Variants in PILRA observed in about 807,000 individuals in gnomAD.
PILRA encodes the protein paired immunoglobulin-like type 2 receptor alpha.
Under a neutral mutation model 33.1 loss-of-function variants are expected in PILRA, and 37 were observed. The observed-to-expected ratio is 1.12, with a 90% CI of 0.86 to 1.47. The LOEUF is 1.47. PILRA is among the 40% of genes most tolerant of loss of function. The pLI, the probability that PILRA is intolerant of heterozygous loss-of-function variation, is 0.00. For synonymous variants in PILRA, 146 were observed against 149.9 expected, an observed-to-expected ratio of 0.97 and a Z score of 0.19; for missense variants, 312 against 376.2, an observed-to-expected ratio of 0.83 and a Z score of 1.41.
rs1791393330 is a variant in PILRA at position 100,391,696 on chromosome 7, AT to A, written c.673+1591del. 2.0e-5 allele frequency among the ~76,000 whole-genome samples: 3 copies of A among 152,322 alleles called. No homozygotes were observed. In the South Asian group the frequency reaches 6.2e-4, roughly 32 times the overall value. ...AGCAAAACCTTATCTCAATAAATAA[AT>A]AAATAAGTTGATTGTTAGATTGATG... is the stretch of plus-strand genomic sequence containing the variant. On this transcript the variant is annotated intron_variant, in intron 3 of 6. Transcript: ENST00000198536.
chr7:100,377,537 G>A (rs1442565780), intron 2 of PILRA, among the ~76,000 whole-genome samples: 2 of 152,030 alleles, frequency 1.3e-5, no homozygotes, highest in Non-Finnish European at 2.9e-5. Context: ...CAACACGCCT[G>A]GCCTTTTCTG....
At chr7:100,393,673 G>A (rs1269194444) in intron 3 of PILRA, among the ~76,000 whole-genome samples, 1 of 152,126 alleles carries the variant, frequency 6.6e-6, no homozygotes, top group Non-Finnish European at 1.5e-5. Context: ...GCACATCACT[G>A]TTCTTAGACA....
chr7:100,396,835 G>T (rs967962383), intron 3 of PILRA, among the ~76,000 whole-genome samples: 1 of 152,068 alleles, frequency 6.6e-6, no homozygotes, highest in Non-Finnish European at 1.5e-5. Context: ...GTCAGAAACC[G>T]CAGGGAGGAG....
intron 2 of PILRA, among the ~76,000 whole-genome samples, chr7:100,380,835 C>G (rs555548142): frequency 6.6e-6 from 1 of 152,120 alleles, no homozygotes; most frequent in Non-Finnish European, 1.5e-5. Context: ...GCCAGGTGTG[C>G]TGGTGTGTAC....
intron 4 of PILRA, 61 bp downstream of exon 4, chr7:100,397,973 T>G: frequency 6.5e-7 from 1 of 1,541,870 alleles, no homozygotes; most frequent in Middle Eastern, 1.7e-4. Context: ...TGGGCTGATT[T>G]GGGAAACAGG....
At chr7:100,397,582 C>T (rs1301293550) in intron 3 of PILRA, among the ~76,000 whole-genome samples, 1 of 151,984 alleles carries the variant, frequency 6.6e-6, no homozygotes. Context: ...TGGGCGAGGG[C>T]TCAGCGGTGG....
upstream of PILRA, chr7:100,373,322 G>C (rs1420657083): frequency 3.9e-6 from 2 of 515,516 alleles, no homozygotes; most frequent in Non-Finnish European, 7.0e-6. Context: ...GGTGGGAGGG[G>C]CCCAGCCAGC....
At chr7:100,391,974 C>G (rs1791397790) in intron 3 of PILRA, among the ~76,000 whole-genome samples, 2 of 152,206 alleles carry the variant, frequency 1.3e-5, no homozygotes, top group South Asian at 4.1e-4. Flanking sequence ...TCCACCCCAA[C>G]ATCCTCCAAA....
At chr7:100,397,527 C>T (rs1584229709) in intron 3 of PILRA, among the ~76,000 whole-genome samples, 1 of 125,026 alleles carries the variant, frequency 8.0e-6, no homozygotes, top group Non-Finnish European at 1.7e-5. Flanking sequence ...GGAATGGGGG[C>T]GGGGTGCCAA....
Position 100,397,893 on chromosome 7 carries a change from A to G in PILRA, c.688A>G (p.Lys230Glu). Residue 230 changes from lysine to glutamate, a missense_variant, in exon 4 of 7, where the codon AAA (lysine) becomes GAA (glutamate). Transcript: ENST00000198536. ...WRRRKGQQRT[K>E]ATTPAREPFQ... ...TCCCCCTACAGGTCAGCAGCGGACT[A>G]AAGCCACAACCCCAGCCAGGTGAGT... 6.2e-7 allele frequency: 1 copy of G among 1,613,990 alleles called. No homozygotes were observed. Among genetic ancestry groups the G allele is most frequent in the Non-Finnish European group, 8.5e-7 (1 of 1,179,928 alleles).
intron 5 of PILRA, 34 bp from the exon 6 acceptor site, chr7:100,399,547 C>T: frequency 6.2e-7 from 1 of 1,613,766 alleles, no homozygotes; most frequent in Non-Finnish European, 8.5e-7. Flanking sequence ...TGTCACGCCA[C>T]CTGACCTTGG....
chr7:100,386,689 G>A (rs1028818612), intron 2 of PILRA, among the ~76,000 whole-genome samples: 1 of 151,728 alleles, frequency 6.6e-6, no homozygotes, highest in Admixed American at 6.6e-5. Flanking sequence ...GCTAATTTTT[G>A]TATTTATCAT....
At position 100,399,335 on chromosome 7, in the gene PILRA, A is replaced by G; in HGVS notation, c.752A>G (p.Asn251Ser). ...GAGGAGCCATATGAGAATATCAGGAATGAAGGTGAGTCCTTACCACCATCC... is the reference window on the plus strand; with the variant it reads ...GAGGAGCCATATGAGAATATCAGGAGTGAAGGTGAGTCCTTACCACCATCC... Reference protein sequence around the residue: ...NTEEPYENIRNEGQNTDPKLN... With the variant: ...NTEEPYENIRSEGQNTDPKLN... Residue 251 changes from asparagine to serine, a missense_variant, in exon 5 of 7, where the codon AAT becomes AGT. Physicochemically the swap from Asn to Ser is conservative, Grantham distance 46 (BLOSUM62 1). Transcript: ENST00000198536. 1 of 1,612,306 alleles carries G rather than the reference A, an allele frequency of 6.2e-7. No homozygotes were observed. Among genetic ancestry groups the G allele is most frequent in the South Asian group, 1.1e-5 (1 of 91,030 alleles).
At chr7:100,386,077 G>A (rs1382886186) in intron 2 of PILRA, among the ~76,000 whole-genome samples, 1 of 151,896 alleles carries the variant, frequency 6.6e-6, no homozygotes, top group Non-Finnish European at 1.5e-5. Flanking sequence ...TTACAAGCAC[G>A]TGTCACCATG....
chr7:100,399,970 C>T lies in PILRA; in HGVS notation c.*63C>T. ...AGGTACAGTGGCGCACACCTGTAAT[C>T]CCAGCTACTCTGAAGCCTGAGGCAG... On this transcript the variant is annotated 3_prime_UTR_variant, in exon 7 of 7. Coordinates refer to ENST00000198536, the MANE Select transcript of PILRA (RefSeq NM_013439.3). 1.4e-6 allele frequency: 2 copies of T among 1,465,822 alleles called. No homozygotes were observed. The highest frequency in any genetic ancestry group is 1.8e-6 in the Non-Finnish European group (2 of 1,101,004). The allele number at this position is 1,465,822 out of a possible 1,614,324, so 90.8% of individuals were successfully genotyped here. A position where few individuals can be genotyped will look rare whatever the true frequency, so the allele number is the denominator to read the frequency against.
At position 100,400,021 on chromosome 7, in the gene PILRA, G is replaced by T; in HGVS notation, c.*114G>T. On this transcript the variant is annotated 3_prime_UTR_variant, in exon 7 of 7. Coordinates refer to ENST00000198536, the MANE Select transcript of PILRA (RefSeq NM_013439.3). ...AATCAAGTGAGCCCAGGAGTTCAGG[G>T]CCAGCTTTGATAATGGAGCGAGATG... is the stretch of plus-strand genomic sequence containing the variant. 1 of 1,086,310 alleles carries T rather than the reference G, an allele frequency of 9.2e-7. No homozygotes were observed. Among genetic ancestry groups the T allele is most frequent in the Admixed American group, 2.8e-5 (1 of 35,452 alleles). 67.3% of individuals were successfully genotyped at this position (1,086,310 alleles called of 1,614,324 possible). A position where few individuals can be genotyped will look rare whatever the true frequency, so the allele number is the denominator to read the frequency against.
In PILRA at chr7:100,376,757, C is replaced by A. The variant is rs559842196; in HGVS notation, c.454+2324C>A. On this transcript the variant is annotated intron_variant, in intron 2 of 6. Transcript: ENST00000198536. ...GATTACAGGTGTGAGCCACCTTGCT[C>A]TGCCTTTTTTTTTTTTTTTTTTTTT... 4.1e-5 allele frequency among the ~76,000 whole-genome samples: 5 copies of A among 122,148 alleles called. No individual in the cohort carries two copies. In the East Asian group the frequency reaches 1.2e-3, roughly 29 times the overall value. The allele number at this position is 122,148 out of a possible 152,430, so 80.1% of individuals were successfully genotyped here. A position where few individuals can be genotyped will look rare whatever the true frequency, so the allele number is the denominator to read the frequency against.
intron 2 of PILRA, among the ~76,000 whole-genome samples, chr7:100,380,004 A>G (rs1373465482): frequency 6.6e-6 from 1 of 152,168 alleles, no homozygotes; most frequent in African/African-American, 2.4e-5. Flanking sequence ...AGGAGTGAAG[A>G]TGGGTCTGAA....
Position 100,374,413 on chromosome 7 carries a change from C to G in PILRA, c.434C>G (p.Thr145Ser). The change falls in exon 2 of 7, where the codon ACC becomes AGC. Residue 145 changes from threonine (T) to serine (S), a missense_variant. Physicochemically the swap from Thr to Ser is moderately conservative, Grantham distance 58. Coordinates refer to ENST00000198536, the MANE Select transcript of PILRA (RefSeq NM_013439.3). Reference protein sequence around the residue: ...GRQQWQSIEGTKLSITQAVTT... With the variant: ...GRQQWQSIEGSKLSITQAVTT... ...CAGCAGTGGCAGTCCATCGAGGGGA[C>G]CAAACTCTCCATCACCCAGGGTGAG... The G allele has an allele frequency of 6.2e-7, 1 of 1,614,036 alleles. No homozygotes were observed. Among genetic ancestry groups the G allele is most frequent in the Non-Finnish European group, 8.5e-7 (1 of 1,179,994 alleles).
Sources: allele counts gnomAD v4.1 joint callset (sites outside exome capture counted in the v4.1 genomes callset), GRCh38; gene constraint gnomAD v4.1.1; transcripts MANE v1.5; gene names NCBI Gene and HGNC (gene_info 2026-07-23, HGNC 2026-07-21).